EFHC1: variants seen among roughly 807,000 people sequenced by gnomAD.
The protein encoded by EFHC1 is EF-hand domain-containing protein 1.
Under a neutral mutation model 69.9 loss-of-function variants are expected in EFHC1, and 53 were observed. The ratio of observed to expected loss-of-function variants is 0.76; its 90% CI spans 0.61 to 0.95. The LOEUF (loss-of-function observed/expected upper bound fraction) is 0.95. EFHC1 is among the 40% of genes least tolerant of loss of function. The pLI is 0.00. For synonymous variants in EFHC1, 256 were observed against 278.4 expected, an observed-to-expected ratio of 0.92 and a Z score of 0.80; for missense variants, 739 against 798.7, an observed-to-expected ratio of 0.93 and a Z score of 0.90.
At chr6:52,465,491 T>C (rs1348438738) in intron 6 of EFHC1, among the ~76,000 whole-genome samples, 1 of 152,140 alleles carries the variant, frequency 6.6e-6, no homozygotes, top group Non-Finnish European at 1.5e-5. Flanking sequence ...AAATAGACAT[T>C]TTATTTTTAT....
rs562168228 is a variant in EFHC1, at chr6:52,470,140, G to A, written c.1278+667G>A. Among the ~76,000 whole-genome samples the A allele has an allele frequency of 3.3e-5, 5 of 152,274 alleles. No individual in the cohort carries two copies. The South Asian group carries it at 1.0e-3, about 32-fold the overall frequency. ...GAATAGGAATTAGGAGCTGGGGGTA[G>A]GAGGTGTCAGGTGACTTTTCAAACT... On this transcript the variant is annotated intron_variant, in intron 7 of 10. Coordinates refer to ENST00000371068, the MANE Select transcript of EFHC1 (RefSeq NM_018100.4).
intron 2 of EFHC1, among the ~76,000 whole-genome samples, chr6:52,431,158 C>T (rs183302333): frequency 6.6e-4 from 101 of 151,992 alleles, no homozygotes; most frequent in African/African-American, 2.3e-3. Flanking sequence ...CTTTTTGTTT[C>T]ATTTATCTTT....
intron 5 of EFHC1, among the ~76,000 whole-genome samples, chr6:52,456,256 A>G (rs1323920878): frequency 1.3e-5 from 2 of 152,236 alleles, no homozygotes; most frequent in Non-Finnish European, 2.9e-5. Context: ...CCTACTATAC[A>G]TATTCTTATA....
rs543539925 is a variant in EFHC1, at chr6:52,495,612, C to T, written c.*3271C>T. 96 of 453,842 alleles carry T rather than the reference C, an allele frequency of 2.1e-4. No individual in the cohort carries two copies. Among genetic ancestry groups the T allele is most frequent in the South Asian group, 1.5e-3 (95 of 64,474 alleles). The allele number at this position is 453,842 out of a possible 1,614,324, so 28.1% of individuals were successfully genotyped here. On this transcript the variant is annotated 3_prime_UTR_variant, in exon 11 of 11. Transcript: ENST00000371068. ...TGTTTTTGTGTTTGTTTTTTAGAGA[C>T]AGGGTCTTACTCTGTTGCCAGACTG...
chr6:52,456,447 C>G (rs1427885349), intron 5 of EFHC1, among the ~76,000 whole-genome samples: 1 of 152,202 alleles, frequency 6.6e-6, no homozygotes, highest in East Asian at 1.9e-4. Context: ...AAAAGTCTCA[C>G]TGAAACTAAA....
At chr6:52,433,465 A>C (rs1262308058) in intron 2 of EFHC1, among the ~76,000 whole-genome samples, 1 of 152,324 alleles carries the variant, frequency 6.6e-6, no homozygotes, top group East Asian at 1.9e-4. Flanking sequence ...CTAGCCATCC[A>C]GCAAGTCTGC....
At chr6:52,438,981 A>G (rs1764598961) in intron 3 of EFHC1, among the ~76,000 whole-genome samples, 1 of 152,170 alleles carries the variant, frequency 6.6e-6, no homozygotes, top group Non-Finnish European at 1.5e-5. Context: ...ATTAGCAGAT[A>G]TGAGCCTAAA....
At chr6:52,469,135 T>C (rs1465469254) in intron 6 of EFHC1, 198 bp from the exon 7 acceptor site, 1 of 629,254 alleles carries the variant, frequency 1.6e-6, no homozygotes, top group Non-Finnish European at 2.7e-6. Flanking sequence ...GTTACTTCTG[T>C]GATCAGTGAA....
intron 6 of EFHC1, chr6:52,469,065 G>A: frequency 6.5e-6 from 3 of 459,510 alleles, no homozygotes; most frequent in Admixed American, 3.5e-5. Context: ...GTAGTAAGGG[G>A]TCAGTGGACA....
chr6:52,470,995 A>G (rs1445540605), intron 7 of EFHC1, among the ~76,000 whole-genome samples: 1 of 152,200 alleles, frequency 6.6e-6, no homozygotes, highest in Non-Finnish European at 1.5e-5. Context: ...GCTGAGGTGT[A>G]TGTTTGTGTG....
At chr6:52,422,413 G>A (rs1764210338) in intron 1 of EFHC1, among the ~76,000 whole-genome samples, 1 of 152,102 alleles carries the variant, frequency 6.6e-6, no homozygotes, top group Non-Finnish European at 1.5e-5. Context: ...CCTGTCAACT[G>A]ACTTGTGACT....
At chr6:52,444,774 G>T (rs1234776885) in intron 3 of EFHC1, among the ~76,000 whole-genome samples, 1 of 152,162 alleles carries the variant, frequency 6.6e-6, no homozygotes, top group Non-Finnish European at 1.5e-5. Context: ...TCTCTGCCAG[G>T]TTTTGGTATC....
intron 2 of EFHC1, 85 bp from the exon 3 acceptor site, chr6:52,438,219 C>G: frequency 7.6e-7 from 1 of 1,315,486 alleles, no homozygotes; most frequent in Non-Finnish European, 1.1e-6. Context: ...CTGTGTGGTT[C>G]TGTTTTCAGG....
At position 52,479,881 on chromosome 6, in the gene EFHC1, A is replaced by T. The variant is rs904671352; in HGVS notation, c.1640+94A>T. 1.9e-6 allele frequency: 3 copies of T among 1,554,196 alleles called. No homozygotes were observed. The Admixed American group carries it at 5.6e-5, about 29-fold the overall frequency. ...GAGTAATCACATTTTAGATTTTCTG[A>T]TTTCTCTCACCAGGTGGGAATTATT... On this transcript the variant is annotated intron_variant, in intron 9 of 10. Coordinates refer to ENST00000371068, the MANE Select transcript of EFHC1 (RefSeq NM_018100.4).
intron 2 of EFHC1, among the ~76,000 whole-genome samples, chr6:52,435,439 A>T (rs1562445860): frequency 6.6e-6 from 1 of 152,196 alleles, no homozygotes; most frequent in Non-Finnish European, 1.5e-5. Flanking sequence ...TGTCACTTAA[A>T]TTCAGTAAGT....
intron 3 of EFHC1, among the ~76,000 whole-genome samples, chr6:52,447,863 A>T (rs1764821997): frequency 6.6e-6 from 1 of 152,200 alleles, no homozygotes; most frequent in African/African-American, 2.4e-5. Flanking sequence ...CCTGGGTATC[A>T]CCAGTGGAGG....
At chr6:52,460,038 G>A (rs1013329559) in intron 5 of EFHC1, among the ~76,000 whole-genome samples, 43 of 152,092 alleles carry the variant, frequency 2.8e-4, no homozygotes, top group African/African-American at 1.0e-3. Context: ...CTTTTCTTGG[G>A]TATTTGCCAA....
chr6:52,426,903 A>G (rs772527890), intron 2 of EFHC1, among the ~76,000 whole-genome samples: 1 of 152,186 alleles, frequency 6.6e-6, no homozygotes, highest in Non-Finnish European at 1.5e-5. Flanking sequence ...TATAACAGGT[A>G]TGCTGCCTTG....
rs201185118 is a variant in EFHC1, at chr6:52,420,485, T to C, written c.63+12T>C. The C allele has an allele frequency of 2.8e-5, 45 of 1,614,178 alleles. No homozygotes were observed. Among genetic ancestry groups the C allele is most frequent in the Non-Finnish European group, 3.7e-5 (44 of 1,180,012 alleles). On this transcript the variant is annotated intron_variant, in intron 1 of 10. Coordinates refer to ENST00000371068, the MANE Select transcript of EFHC1 (RefSeq NM_018100.4). ...TTAAGGACTCTACGGTGAGCAGTTA[T>C]CTGCCAGACTCCCACCTGTCCCCAC...
Sources: gnomAD v4.1 joint callset for allele counts (sites outside exome capture counted in the v4.1 genomes callset) on GRCh38, gnomAD v4.1.1 for gene constraint, MANE v1.5 for transcripts, NCBI Gene and HGNC (gene_info 2026-07-23, HGNC 2026-07-21) for gene names.